Variants in IL4 observed in about 807,000 individuals in gnomAD.
IL4 encodes interleukin-4.
In IL4, 10 loss-of-function variants were observed where a neutral mutation model predicts 17.4. That is an observed-to-expected ratio of 0.57 (90% confidence interval 0.35 to 0.97). IL4 has a LOEUF of 0.97. IL4 is among the 50% of genes least tolerant of loss of function. The probability of loss-of-function intolerance (pLI) is 0.01; values close to 1 mark genes in which losing one functional copy is unlikely to be tolerated. For missense variants in IL4, 174 were observed against 187.7 expected (o/e 0.93, Z 0.43); for synonymous variants, 87 against 79.0 (o/e 1.10, Z -0.54).
intron 2 of IL4, among the ~76,000 whole-genome samples, chr5:132,675,506 T>C (rs906332560): frequency 6.6e-6 from 1 of 151,686 alleles, no homozygotes; most frequent in Non-Finnish European, 1.5e-5. Context: ...TCATTAGTTA[T>C]CCCGGGAGTC....
chr5:132,675,933 G>GTGTA (rs1379510891), intron 2 of IL4, among the ~76,000 whole-genome samples: 10 of 149,000 alleles, frequency 6.7e-5, no homozygotes, highest in Non-Finnish European at 1.3e-4. Context: ...ATGTATATGT[G>GTGTA]TGTGTGTGTG....
chr5:132,675,650 G>A lies in IL4; in HGVS notation c.183+1144G>A, dbSNP rs115084213. ...AGCAGCCTCCACCTCCCAGGCTCAAGCTATCTTCCTACCTCAGCCTCCCAA... is the reference window on the plus strand; with the variant it reads ...AGCAGCCTCCACCTCCCAGGCTCAAACTATCTTCCTACCTCAGCCTCCCAA... On this transcript the variant is annotated intron_variant, in intron 2 of 3. Transcript: ENST00000231449. Among the ~76,000 whole-genome samples the A allele has an allele frequency of 2.2e-3, 341 of 151,824 alleles. 2 individuals are homozygous for A. The highest frequency in any genetic ancestry group is 7.9e-3 in the African/African-American group (326 of 41,380).
intron 3 of IL4, among the ~76,000 whole-genome samples, chr5:132,681,660 C>T (rs2067615227): frequency 6.6e-6 from 1 of 152,128 alleles, no homozygotes. Flanking sequence ...GCAGGAAGAA[C>T]TGAAGAGAGC....
chr5:132,676,461 C>T (rs374905925), intron 2 of IL4, among the ~76,000 whole-genome samples: 7 of 152,228 alleles, frequency 4.6e-5, no homozygotes, highest in Admixed American at 2.0e-4. Context: ...GGAAGACCCC[C>T]GGGTGCAGGC....
rs1358576507 is a variant in IL4 at position 132,679,885 on chromosome 5, G to C, written c.355G>C (p.Gly119Arg). 1.2e-6 allele frequency: 2 copies of C among 1,611,322 alleles called. No homozygotes were observed. Among genetic ancestry groups the C allele is most frequent in the Non-Finnish European group, 1.7e-6 (2 of 1,179,004 alleles). The change falls in exon 3 of 4, where the codon GGC becomes CGC. Residue 119 changes from glycine (G) to arginine (R), a missense_variant. Physicochemically the swap from Gly to Arg is moderately radical, Grantham distance 125. Coordinates refer to ENST00000231449, the MANE Select transcript of IL4 (RefSeq NM_000589.4). ...CGACAGGAACCTCTGGGGCCTGGCG[G>C]GCTTGGTAAGCTGCACTGTATTCCT... ...RLDRNLWGLA[G>R]LNSCPVKEAN...
intron 2 of IL4, chr5:132,677,964 CA>C (rs1474710010): frequency 4.6e-5 from 7 of 152,200 alleles, no homozygotes; most frequent in African/African-American, 1.4e-4. Context: ...GAGTGACTCT[CA>C]GTCAGTTCAT....
chr5:132,678,146 T>A (rs1752417836), intron 2 of IL4, among the ~76,000 whole-genome samples: 1 of 152,218 alleles, frequency 6.6e-6, no homozygotes, highest in South Asian at 2.1e-4. Flanking sequence ...AAATAAGAGA[T>A]GAACACAAAG....
At chr5:132,679,661 C>G in intron 2 of IL4, 53 bp from the exon 3 acceptor site, 1 of 1,481,868 alleles carries the variant, frequency 6.7e-7, no homozygotes. Flanking sequence ...AATCTCTCTC[C>G]CATCCTCCAA....
At position 132,679,748 on chromosome 5, in the gene IL4, C is replaced by G. The variant is rs202011365; in HGVS notation, c.218C>G (p.Ala73Gly). The change falls in exon 3 of 4, where the codon GCG becomes GGG. Residue 73 changes from alanine (A) to glycine (G), a missense_variant. Coordinates refer to ENST00000231449, the MANE Select transcript of IL4 (RefSeq NM_000589.4). ...TTEKETFCRA[A>G]TVLRQFYSHH... ...GAGAAGGAAACCTTCTGCAGGGCTG[C>G]GACTGTGCTCCGGCAGTTCTACAGC... is the stretch of plus-strand genomic sequence containing the variant. 1 of 1,613,962 alleles carries G rather than the reference C, an allele frequency of 6.2e-7. No individual in the cohort carries two copies. Among genetic ancestry groups the G allele is most frequent in the Admixed American group, 1.7e-5 (1 of 60,010 alleles).
At position 132,674,470 on chromosome 5, in the gene IL4, C is replaced by T. The variant is rs759103191; in HGVS notation, c.147C>T (p.Thr49=). 1.1e-5 allele frequency: 18 copies of T among 1,613,958 alleles called. No individual in the cohort carries two copies. Among genetic ancestry groups the T allele is most frequent in the South Asian group, 3.3e-5 (3 of 91,078 alleles). The change falls in exon 2 of 4, where the codon ACC becomes ACT. Residue 49 remains threonine, a synonymous_variant. Coordinates refer to ENST00000231449, the MANE Select transcript of IL4 (RefSeq NM_000589.4). ...CTGCCTGGACCAAGACTCTGTGCAC[C>T]GAGTTGACCGTAACAGACATCTTTG... ...NSLTEQKTLC[T]ELTVTDIFAA... is the part of the protein sequence containing the mutation.
Position 132,673,996 on chromosome 5 carries a change from G to C in IL4, c.-55G>C, listed in dbSNP as rs1752331350. On this transcript the variant is annotated 5_prime_UTR_variant, in exon 1 of 4. Coordinates refer to ENST00000231449, the MANE Select transcript of IL4 (RefSeq NM_000589.4). Reference sequence around the variant, plus strand: ...TATCTTTGTCAGCATTGCATCGTTAGCTTCTCCTGATAAACTAATTGCCTC... The same window carrying C: ...TATCTTTGTCAGCATTGCATCGTTACCTTCTCCTGATAAACTAATTGCCTC... 1 of 1,551,760 alleles carries C rather than the reference G, an allele frequency of 6.4e-7. No homozygotes were observed. The highest frequency in any genetic ancestry group is 1.4e-5 in the African/African-American group (1 of 73,168).
At chr5:132,679,585 G>C in intron 2 of IL4, 129 bp from the exon 3 acceptor site, 1 of 774,230 alleles carries the variant, frequency 1.3e-6, no homozygotes, top group Non-Finnish European at 2.2e-6. Flanking sequence ...AATACTTGAA[G>C]ACAGGTCTGT....
intron 3 of IL4, 40 bp from the exon 4 acceptor site, chr5:132,682,446 A>ACTTACT (rs1335780527): frequency 1.6e-6 from 2 of 1,221,020 alleles, no homozygotes; most frequent in Non-Finnish European, 2.4e-6. Flanking sequence ...GGCAAGACAA[A>ACTTACT]TGCTTACCAA....
Position 132,679,832 on chromosome 5 carries a change from A to G in IL4, c.302A>G (p.Lys101Arg), listed in dbSNP as rs1415459279. 3.1e-6 allele frequency: 5 copies of G among 1,613,888 alleles called. No individual in the cohort carries two copies. In the South Asian group the frequency reaches 3.3e-5, roughly 11 times the overall value. ...ACTGCACAGCAGTTCCACAGGCACA[A>G]GCAGCTGATCCGATTCCTGAAACGG... ...GATAQQFHRH[K>R]QLIRFLKRLD... Residue 101 changes from lysine to arginine, a missense_variant, in exon 3 of 4, where the codon AAG becomes AGG. Coordinates refer to ENST00000231449, the MANE Select transcript of IL4 (RefSeq NM_000589.4).
chr5:132,677,471 T>C (rs1218013250), intron 2 of IL4, among the ~76,000 whole-genome samples: 1 of 152,204 alleles, frequency 6.6e-6, no homozygotes, highest in Non-Finnish European at 1.5e-5. Flanking sequence ...GCCCCCTCGC[T>C]GCGATACCAG....
chr5:132,682,191 C>A (rs769652822), intron 3 of IL4, among the ~76,000 whole-genome samples: 5 of 152,264 alleles, frequency 3.3e-5, no homozygotes, highest in Non-Finnish European at 7.4e-5. Flanking sequence ...ACCCTCTGAG[C>A]AAGCACCTAG....
rs201843425 is a variant in IL4, at chr5:132,674,119, C to T, written c.69C>T (p.His23=). 69 of 1,613,926 alleles carry T rather than the reference C, an allele frequency of 4.3e-5. 1 individual carries two copies. The Middle Eastern group carries it at 6.6e-4, about 15-fold the overall frequency. The change falls in exon 1 of 4, where the codon CAC becomes CAT. Residue 23 remains histidine (H), a synonymous_variant. Coordinates refer to ENST00000231449, the MANE Select transcript of IL4 (RefSeq NM_000589.4). ...FLLACAGNFV[H]GHKCDITLQE... ...TAGCATGTGCCGGCAACTTTGTCCA[C>T]GGACACAAGTGCGATATCACCTTAC...
At chr5:132,676,416 T>G (rs1752384871) in intron 2 of IL4, among the ~76,000 whole-genome samples, 1 of 152,186 alleles carries the variant, frequency 6.6e-6, no homozygotes, top group South Asian at 2.1e-4. Context: ...CCATCCAGGA[T>G]GCCGAGTCTG....
chr5:132,682,668 A>G lies in IL4; in HGVS notation c.*81A>G, dbSNP rs201253645. 2.2e-5 allele frequency: 15 copies of G among 667,930 alleles called. No individual in the cohort carries two copies. Among genetic ancestry groups the G allele is most frequent in the Non-Finnish European group, 3.7e-5 (15 of 407,504 alleles). The allele number at this position is 667,930 out of a possible 1,614,324, so 41.4% of individuals were successfully genotyped here. A position where few individuals can be genotyped will look rare whatever the true frequency, so the allele number is the denominator to read the frequency against. On this transcript the variant is annotated 3_prime_UTR_variant, in exon 4 of 4. Coordinates refer to ENST00000231449, the MANE Select transcript of IL4 (RefSeq NM_000589.4). ...TAACTCATCATAAAATAAAGTATAT[A>G]TAGAATCTAACAGCAATGGCATTTA...
Sources: gnomAD v4.1 joint callset for allele counts (sites outside exome capture counted in the v4.1 genomes callset) on GRCh38, gnomAD v4.1.1 for gene constraint, MANE v1.5 for transcripts, NCBI Gene and HGNC (gene_info 2026-07-23, HGNC 2026-07-21) for gene names.